SLC10A7: variants seen among roughly 807,000 people sequenced by gnomAD.
SLC10A7 encodes the protein sodium/bile acid cotransporter 7.
In SLC10A7, 29 loss-of-function variants were observed where a neutral mutation model predicts 43.2. That is an observed-to-expected ratio of 0.67 (90% confidence interval 0.50 to 0.92). The LOEUF is 0.92. SLC10A7 is among the 40% of genes least tolerant of loss of function. The pLI, the probability that SLC10A7 is intolerant of heterozygous loss-of-function variation, is 0.00. For synonymous variants in SLC10A7, 152 were observed against 144.8 expected, an observed-to-expected ratio of 1.05 and a Z score of -0.35; for missense variants, 295 against 403.2, an observed-to-expected ratio of 0.73 and a Z score of 2.30.
chr4:146,273,227 C>T (rs982937773), intron 10 of SLC10A7, among the ~76,000 whole-genome samples: 2 of 152,136 alleles, frequency 1.3e-5, no homozygotes, highest in Non-Finnish European at 2.9e-5. Flanking sequence ...TAGGTGACAA[C>T]TGCAGGTAGA....
chr4:146,508,065 C>T (rs1234553683), intron 3 of SLC10A7, among the ~76,000 whole-genome samples: 2 of 152,216 alleles, frequency 1.3e-5, no homozygotes, highest in Non-Finnish European at 2.9e-5. Flanking sequence ...GCTTCAAATG[C>T]AAATTCCTCA....
chr4:146,402,725 A>G (rs1739307383), intron 5 of SLC10A7, among the ~76,000 whole-genome samples: 1 of 152,074 alleles, frequency 6.6e-6, no homozygotes, highest in Non-Finnish European at 1.5e-5. Flanking sequence ...TTGTTTTCTA[A>G]CTCCATTTCG....
chr4:146,388,758 A>C (rs965919422), intron 5 of SLC10A7, among the ~76,000 whole-genome samples: 2 of 96,044 alleles, frequency 2.1e-5, no homozygotes, highest in African/African-American at 8.1e-5. Context: ...GACTCTGTCA[A>C]AAAACAACAA....
intron 5 of SLC10A7, among the ~76,000 whole-genome samples, chr4:146,350,958 T>A (rs1051992985): frequency 1.4e-5 from 2 of 147,704 alleles, no homozygotes; most frequent in African/African-American, 5.2e-5. Context: ...AACTGGAAAC[T>A]CTAAAACGCA....
At chr4:146,388,772 CA>C (rs1224551383) in intron 5 of SLC10A7, among the ~76,000 whole-genome samples, 32 of 74,776 alleles carry the variant, frequency 4.3e-4, no homozygotes, top group African/African-American at 1.1e-3. Flanking sequence ...ACAACAACAA[CA>C]AAAAAAAAAA....
At chr4:146,367,478 A>T (rs563683667) in intron 5 of SLC10A7, among the ~76,000 whole-genome samples, 1 of 152,164 alleles carries the variant, frequency 6.6e-6, no homozygotes, top group Non-Finnish European at 1.5e-5. Flanking sequence ...ACATGTGGCT[A>T]CTTATAAATG....
intron 5 of SLC10A7, among the ~76,000 whole-genome samples, chr4:146,410,347 T>C (rs1418953147): frequency 1.3e-5 from 2 of 152,300 alleles, no homozygotes; most frequent in East Asian, 3.9e-4. Context: ...AAAAAGTCTA[T>C]ATCAACACTC....
intron 5 of SLC10A7, among the ~76,000 whole-genome samples, chr4:146,349,325 C>T (rs1303641210): frequency 1.3e-5 from 2 of 152,094 alleles, no homozygotes; most frequent in Non-Finnish European, 2.9e-5. Flanking sequence ...CATCTCACAC[C>T]AGTCAGAATG....
At chr4:146,387,319 C>A (rs565295423) in intron 5 of SLC10A7, among the ~76,000 whole-genome samples, 1 of 152,288 alleles carries the variant, frequency 6.6e-6, no homozygotes, top group Admixed American at 6.5e-5. Flanking sequence ...TCAACATATG[C>A]AAATCAATAA....
intron 10 of SLC10A7, among the ~76,000 whole-genome samples, chr4:146,270,808 G>A (rs561768526): frequency 2.9e-4 from 44 of 152,166 alleles, no homozygotes; most frequent in Non-Finnish European, 6.0e-4. Context: ...TATTGTGCAG[G>A]GCTATTGTAA....
intron 5 of SLC10A7, among the ~76,000 whole-genome samples, chr4:146,439,363 A>G (rs1294360539): frequency 6.6e-6 from 1 of 152,116 alleles, no homozygotes; most frequent in East Asian, 1.9e-4. Context: ...AAATGCTCTC[A>G]GAGTTCTTTC....
At chr4:146,276,570 A>T (rs549604189) in intron 10 of SLC10A7, among the ~76,000 whole-genome samples, 1 of 152,360 alleles carries the variant, frequency 6.6e-6, no homozygotes, top group South Asian at 2.1e-4. Context: ...ATAATAATCT[A>T]AATAAAAGAA....
intron 5 of SLC10A7, among the ~76,000 whole-genome samples, chr4:146,329,828 TTAAA>T (rs1733410873): frequency 6.6e-6 from 1 of 152,200 alleles, no homozygotes; most frequent in African/African-American, 2.4e-5. Context: ...AGCTAGAAAA[TTAAA>T]TAAACATGTT....
intron 5 of SLC10A7, among the ~76,000 whole-genome samples, chr4:146,370,433 G>A (rs1057460854): frequency 4.0e-5 from 6 of 151,864 alleles, no homozygotes; most frequent in South Asian, 2.1e-4. Context: ...CTTTCTTATC[G>A]GTCTGCCTAT....
intron 4 of SLC10A7, among the ~76,000 whole-genome samples, chr4:146,492,556 A>G (rs1047441543): frequency 3.9e-5 from 6 of 151,932 alleles, no homozygotes; most frequent in Non-Finnish European, 8.8e-5. Context: ...TTTTTTTGGA[A>G]AGATGGGGTT....
intron 5 of SLC10A7, among the ~76,000 whole-genome samples, chr4:146,393,191 CAAAAAAAAAAAAA>C (rs765135958): frequency 4.8e-5 from 2 of 42,076 alleles, no homozygotes; most frequent in South Asian, 1.5e-3. Context: ...GGCCCTGTCT[CAAAAAAAAAAAAA>C]AAAAAAAAAA....
At chr4:146,259,585 AGT>A (rs1369513904) in intron 10 of SLC10A7, among the ~76,000 whole-genome samples, 1 of 152,202 alleles carries the variant, frequency 6.6e-6, no homozygotes, top group East Asian at 1.9e-4. Context: ...TAGGTGACAG[AGT>A]GAGACCCTGT....
At chr4:146,266,690 G>C (rs1262976943) in intron 10 of SLC10A7, among the ~76,000 whole-genome samples, 1 of 152,060 alleles carries the variant, frequency 6.6e-6, no homozygotes, top group Non-Finnish European at 1.5e-5. Flanking sequence ...TTCAAGCAGG[G>C]ATTTATCATT....
At position 146,476,959 on chromosome 4, in the gene SLC10A7, A is replaced by C. The variant is rs536437444; in HGVS notation, c.396+26890T>G. Among the ~76,000 whole-genome samples, 36 of 152,254 alleles carry C rather than the reference A, an allele frequency of 2.4e-4. No homozygotes were observed. In the South Asian group the frequency reaches 7.5e-3, roughly 32 times the overall value. Reference sequence around the variant, plus strand: ...ACAAATTCTGCTCTGAAAAAAAAAAAATACAGTTGTTTCTCCAGTTCTTTG... The same window carrying C: ...ACAAATTCTGCTCTGAAAAAAAAAACATACAGTTGTTTCTCCAGTTCTTTG... On this transcript the variant is annotated intron_variant, in intron 4 of 11. Transcript: ENST00000335472.
Sources: allele counts gnomAD v4.1 joint callset (sites outside exome capture counted in the v4.1 genomes callset), GRCh38; gene constraint gnomAD v4.1.1; transcripts MANE v1.5; gene names NCBI Gene and HGNC (gene_info 2026-07-23, HGNC 2026-07-21).